Variants in UNCX observed in about 807,000 individuals in gnomAD.
The protein encoded by UNCX is UNC homeobox.
A neutral mutation model predicts 14.8 loss-of-function variants in UNCX; 4 were observed. The observed-to-expected ratio is 0.27, with a 90% CI of 0.13 to 0.62. The LOEUF (loss-of-function observed/expected upper bound fraction) is 0.62. UNCX is among the 20% of genes least tolerant of loss of function. UNCX has a pLI of 0.86. For synonymous variants in UNCX, 459 were observed against 395.8 expected (o/e 1.16, Z -1.90); for missense variants, 749 against 786.8 (o/e 0.95, Z 0.58).
intron 2 of UNCX, among the ~76,000 whole-genome samples, chr7:1,235,323 C>T (rs2128272646): frequency 6.6e-6 from 1 of 152,372 alleles, no homozygotes; most frequent in Non-Finnish European, 1.5e-5. Context: ...CAAGGGATTC[C>T]GCCCCCACCC....
chr7:1,235,812 C>G lies in UNCX; in HGVS notation c.451-20C>G. The stretch of plus-strand genomic sequence containing the variant: ...CCGCCGCCTGATTGTGGCTTCCTCT[C>G]CCCTATCCGGCTGCTCTAGGTCTGG... On this transcript the variant is annotated intron_variant, in intron 2 of 2. Coordinates refer to ENST00000316333, the MANE Select transcript of UNCX (RefSeq NM_001080461.3). The G allele has an allele frequency of 6.2e-7, 1 of 1,604,968 alleles. No individual in the cohort carries two copies. Among genetic ancestry groups the G allele is most frequent in the Non-Finnish European group, 8.5e-7 (1 of 1,176,304 alleles).
Position 1,236,667 on chromosome 7 carries a change from CG to C in UNCX, c.1290del (p.Gly432AlafsTer110). 9.9e-7 allele frequency: 1 copy of C among 1,013,690 alleles called. No individual in the cohort carries two copies. The highest frequency in any genetic ancestry group is 4.5e-5 in the South Asian group (1 of 22,454). The allele number at this position is 1,013,690 out of a possible 1,614,324, so 62.8% of individuals were successfully genotyped here. A position where few individuals can be genotyped will look rare whatever the true frequency, so the allele number is the denominator to read the frequency against. On this transcript the variant is annotated frameshift_variant, in exon 3 of 3. Coordinates refer to ENST00000316333, the MANE Select transcript of UNCX (RefSeq NM_001080461.3). LOFTEE classifies it low-confidence loss of function (END_TRUNC). The surrounding 1 kb of genome is among the most constrained non-coding windows in gnomAD (Gnocchi z 6.9). Reference sequence around the variant, plus strand: ...GCCCAGGCCAGTTTCGGGGCCTTCTCGGGGCCCGGCGGCGCCCCGGACTCGG... The same window carrying C: ...GCCCAGGCCAGTTTCGGGGCCTTCTCGGGCCCGGCGGCGCCCCGGACTCGG... ...PPAQASFGAF[S>X]GPGGAPDSAF...
Position 1,233,272 on chromosome 7 carries a change from C to A in UNCX, c.255C>A (p.Gly85=). Residue 85 remains glycine, a synonymous_variant, in exon 1 of 3, where the codon GGC becomes GGA. Transcript: ENST00000316333. The surrounding 1 kb of genome is among the most constrained non-coding windows in gnomAD (Gnocchi z 5.3). ...CCGCCTGCGGGGTCGGCGGGGACGG[C>A]CAGCCCTTCAAGCTGTCAGGTAGGC... ...LPAACGVGGD[G]QPFKLSDSGD... 7.5e-7 allele frequency: 1 copy of A among 1,339,986 alleles called. No homozygotes were observed. The highest frequency in any genetic ancestry group is 1.9e-5 in the South Asian group (1 of 51,598). The allele number at this position is 1,339,986 out of a possible 1,614,324, so 83.0% of individuals were successfully genotyped here.
At position 1,232,941 on chromosome 7, in the gene UNCX, CT is replaced by C; in HGVS notation, c.-76del. 1.3e-6 allele frequency: 1 copy of C among 765,146 alleles called. No individual in the cohort carries two copies. Among genetic ancestry groups the C allele is most frequent in the Non-Finnish European group, 1.6e-6 (1 of 632,524 alleles). 47.4% of individuals were successfully genotyped at this position (765,146 alleles called of 1,614,324 possible). A position where few individuals can be genotyped will look rare whatever the true frequency, so the allele number is the denominator to read the frequency against. ...CTGTCTCCGCCGCCGCCGCCCGCGC[CT>C]CCCGCCGCTGGCCCGCCCCGGCCCC... On this transcript the variant is annotated 5_prime_UTR_variant, in exon 1 of 3. Coordinates refer to ENST00000316333, the MANE Select transcript of UNCX (RefSeq NM_001080461.3).
chr7:1,236,184 C>T lies in UNCX; in HGVS notation c.803C>T (p.Ala268Val). The T allele has an allele frequency of 7.8e-7, 1 of 1,276,500 alleles. No homozygotes were observed. Among genetic ancestry groups the T allele is most frequent in the Non-Finnish European group, 1.0e-6 (1 of 999,774 alleles). The allele number at this position is 1,276,500 out of a possible 1,614,324, so 79.1% of individuals were successfully genotyped here. Residue 268 changes from alanine (A) to valine (V), a missense_variant, in exon 3 of 3, where the codon GCG becomes GTG. By Grantham distance (64) the Ala-to-Val change is moderately conservative (BLOSUM62 0). Coordinates refer to ENST00000316333, the MANE Select transcript of UNCX (RefSeq NM_001080461.3). The surrounding 1 kb of genome is among the most constrained non-coding windows in gnomAD (Gnocchi z 6.9). The stretch of plus-strand genomic sequence containing the variant: ...CACGCCTCGGGCGCCGCGGGGACCG[C>T]GCCCGCCCCTCCCGGCGAGCCGCCT... Reference protein sequence around the residue: ...GAHASGAAGTAPAPPGEPPAP... With the variant: ...GAHASGAAGTVPAPPGEPPAP...
chr7:1,237,011 C>G lies in UNCX; in HGVS notation c.*34C>G, dbSNP rs1778761859. On this transcript the variant is annotated 3_prime_UTR_variant, in exon 3 of 3. Transcript: ENST00000316333. This position sits in a 1 kb window ranked among gnomAD's most constrained non-coding sequence, Gnocchi z 5.8. ...CGGCCGGGAGAGGCGCGTAGCCGGC[C>G]CGCGGCCGCTCGCTCAGGCTCCGAC... 2 of 1,156,936 alleles carry G rather than the reference C, an allele frequency of 1.7e-6. No individual in the cohort carries two copies. The highest frequency in any genetic ancestry group is 4.8e-5 in the Admixed American group (1 of 20,948). 71.7% of individuals were successfully genotyped at this position (1,156,936 alleles called of 1,614,324 possible). A position where few individuals can be genotyped will look rare whatever the true frequency, so the allele number is the denominator to read the frequency against.
rs1466441510 is a variant in UNCX at position 1,235,997 on chromosome 7, A to G, written c.616A>G (p.Lys206Glu). Reference sequence around the variant, plus strand: ...GGAGAAGATGGAGAAGAAGAAGCGCAAGCACGAGAAGAAGCTGCTGAAGAG... The same window carrying G: ...GGAGAAGATGGAGAAGAAGAAGCGCGAGCACGAGAAGAAGCTGCTGAAGAG... ...ELEKMEKKKR[K>E]HEKKLLKSQG... is the part of the protein sequence containing the mutation. Residue 206 changes from lysine (K) to glutamate (E), a missense_variant, in exon 3 of 3, where the codon AAG becomes GAG. This residue lies in a region of UNCX where 552 missense variants were observed against 507.2 expected (regional missense o/e 1.09). Coordinates refer to ENST00000316333, the MANE Select transcript of UNCX (RefSeq NM_001080461.3). The G allele has an allele frequency of 6.2e-7, 1 of 1,609,374 alleles. No homozygotes were observed. Among genetic ancestry groups the G allele is most frequent in the South Asian group, 1.1e-5 (1 of 90,606 alleles).
At position 1,236,586 on chromosome 7, in the gene UNCX, T is replaced by C. The variant is rs1455243573; in HGVS notation, c.1205T>C (p.Leu402Pro). 8.3e-7 allele frequency: 1 copy of C among 1,203,106 alleles called. No homozygotes were observed. Among genetic ancestry groups the C allele is most frequent in the Non-Finnish European group, 1.0e-6 (1 of 967,170 alleles). 74.5% of individuals were successfully genotyped at this position (1,203,106 alleles called of 1,614,324 possible). A position where few individuals can be genotyped will look rare whatever the true frequency, so the allele number is the denominator to read the frequency against. ...PQAALKGGAGLEPAPKDAPPA... is the reference protein window; with the variant it reads ...PQAALKGGAGPEPAPKDAPPA... ...GCCGCGCTCAAGGGCGGCGCGGGCC[T>C]GGAGCCGGCGCCCAAGGACGCGCCG... is the stretch of plus-strand genomic sequence containing the variant. Residue 402 changes from leucine (L) to proline (P), a missense_variant, in exon 3 of 3, where the codon CTG (leucine) becomes CCG (proline). Transcript: ENST00000316333. This position sits in a 1 kb window ranked among gnomAD's most constrained non-coding sequence, Gnocchi z 6.9.
At position 1,236,270 on chromosome 7, in the gene UNCX, C is replaced by G. The variant is rs767666971; in HGVS notation, c.889C>G (p.Pro297Ala). 9 of 1,377,808 alleles carry G rather than the reference C, an allele frequency of 6.5e-6. No homozygotes were observed. In the South Asian group the frequency reaches 9.7e-5, roughly 15 times the overall value. 85.3% of individuals were successfully genotyped at this position (1,377,808 alleles called of 1,614,324 possible). Residue 297 changes from proline to alanine, a missense_variant, in exon 3 of 3, where the codon CCG becomes GCG. This residue lies in a region of UNCX where 552 missense variants were observed against 507.2 expected (regional missense o/e 1.09). Transcript: ENST00000316333. This position sits in a 1 kb window ranked among gnomAD's most constrained non-coding sequence, Gnocchi z 6.9. ...CCAAAGAAGCGGCGCCGGCCCACAGCCGCGCCCAGGTCGCCCTGCGGACAA... is the reference window on the plus strand; with the variant it reads ...CCAAAGAAGCGGCGCCGGCCCACAGGCGCGCCCAGGTCGCCCTGCGGACAA... Reference protein sequence around the residue: ...PSQRSGAGPQPRPGRPADKDA... With the variant: ...PSQRSGAGPQARPGRPADKDA...
In UNCX at chr7:1,233,919, C is replaced by T. The variant is rs1181860404; in HGVS notation, c.450+224C>T. On this transcript the variant is annotated intron_variant, in intron 2 of 2. Coordinates refer to ENST00000316333, the MANE Select transcript of UNCX (RefSeq NM_001080461.3). This position sits in a 1 kb window ranked among gnomAD's most constrained non-coding sequence, Gnocchi z 5.3. Reference sequence around the variant, plus strand: ...AAAGCCTGGGCGGCTTGAGAAGGGCCGGCGGCAGCACCCGAGTCACCAGAA... The same window carrying T: ...AAAGCCTGGGCGGCTTGAGAAGGGCTGGCGGCAGCACCCGAGTCACCAGAA... Among the ~76,000 whole-genome samples the T allele has an allele frequency of 6.6e-6, 1 of 152,236 alleles. No individual in the cohort carries two copies. Among genetic ancestry groups the T allele is most frequent in the African/African-American group, 2.4e-5 (1 of 41,454 alleles).
rs972975204 is a variant in UNCX at position 1,237,089 on chromosome 7, C to CT, written c.*116dup. 1 of 895,114 alleles carries CT rather than the reference C, an allele frequency of 1.1e-6. No individual in the cohort carries two copies. Among genetic ancestry groups the CT allele is most frequent in the African/African-American group, 1.8e-5 (1 of 55,458 alleles). The allele number at this position is 895,114 out of a possible 1,614,324, so 55.4% of individuals were successfully genotyped here. A position where few individuals can be genotyped will look rare whatever the true frequency, so the allele number is the denominator to read the frequency against. On this transcript the variant is annotated 3_prime_UTR_variant, in exon 3 of 3. Transcript: ENST00000316333. This position sits in a 1 kb window ranked among gnomAD's most constrained non-coding sequence, Gnocchi z 5.8. ...TAGAAACACTGCTTTCCCTTCTTTT[C>CT]TTTTGTTTTCTTTCTTTTATTATTT... is the stretch of plus-strand genomic sequence containing the variant.
At chr7:1,235,791 C>T (rs1357965192) in intron 2 of UNCX, 41 bp from the exon 3 acceptor site, 1 of 1,571,112 alleles carries the variant, frequency 6.4e-7, no homozygotes, top group Non-Finnish European at 8.7e-7. Flanking sequence ...GCCAGCCCGC[C>T]GCCTGATTGT....
chr7:1,236,409 C>G lies in UNCX; in HGVS notation c.1028C>G (p.Pro343Arg). Reference sequence around the variant, plus strand: ...GAGAGCCTCCTGTCCGACTCGCCGCCGCGCCGGAAAGCCGCTTCCAACGCC... The same window carrying G: ...GAGAGCCTCCTGTCCGACTCGCCGCGGCGCCGGAAAGCCGCTTCCAACGCC... ...SVESLLSDSPPRRKAASNAAA... is the reference protein window; with the variant it reads ...SVESLLSDSPRRRKAASNAAA... Residue 343 changes from proline to arginine, a missense_variant, in exon 3 of 3, where the codon CCG (proline) becomes CGG (arginine). This residue lies in a region of UNCX where 552 missense variants were observed against 507.2 expected (regional missense o/e 1.09). Coordinates refer to ENST00000316333, the MANE Select transcript of UNCX (RefSeq NM_001080461.3). This position sits in a 1 kb window ranked among gnomAD's most constrained non-coding sequence, Gnocchi z 6.9. 1 of 1,370,112 alleles carries G rather than the reference C, an allele frequency of 7.3e-7. No homozygotes were observed. 84.9% of individuals were successfully genotyped at this position (1,370,112 alleles called of 1,614,324 possible). A position where few individuals can be genotyped will look rare whatever the true frequency, so the allele number is the denominator to read the frequency against.
chr7:1,234,896 C>A (rs963207141), intron 2 of UNCX, among the ~76,000 whole-genome samples: 1 of 152,088 alleles, frequency 6.6e-6, no homozygotes, highest in Non-Finnish European at 1.5e-5. Flanking sequence ...TGTGTGGCCG[C>A]GACAAAGAAT....
Position 1,233,476 on chromosome 7 carries a change from T to A in UNCX, c.275-44T>A. 1 of 1,537,410 alleles carries A rather than the reference T, an allele frequency of 6.5e-7. No homozygotes were observed. The highest frequency in any genetic ancestry group is 8.7e-7 in the Non-Finnish European group (1 of 1,148,182). ...GGGAGGGAGGGGTGGGGGTCGGGCCTGGGCCGGTGGCTGAGCCGCGCTGCG... is the reference window on the plus strand; with the variant it reads ...GGGAGGGAGGGGTGGGGGTCGGGCCAGGGCCGGTGGCTGAGCCGCGCTGCG... On this transcript the variant is annotated intron_variant, in intron 1 of 2. Coordinates refer to ENST00000316333, the MANE Select transcript of UNCX (RefSeq NM_001080461.3). This position sits in a 1 kb window ranked among gnomAD's most constrained non-coding sequence, Gnocchi z 5.3.
intron 2 of UNCX, among the ~76,000 whole-genome samples, chr7:1,234,057 G>A (rs1172402552): frequency 2.6e-5 from 4 of 152,088 alleles, no homozygotes; most frequent in Non-Finnish European, 5.9e-5. Flanking sequence ...GCTCCGACCC[G>A]GAGGAGAGAG....
chr7:1,236,837 CCCCCGCCGCCCG>C lies in UNCX; in HGVS notation c.1458_1469del (p.Pro488_Pro491del). On this transcript the variant is annotated inframe_deletion, in exon 3 of 3. Coordinates refer to ENST00000316333, the MANE Select transcript of UNCX (RefSeq NM_001080461.3). The surrounding 1 kb of genome is among the most constrained non-coding windows in gnomAD (Gnocchi z 6.9). ...GGACGCGGGGACCGCCGGCCCCGCG[CCCCCGCCGCCCG>C]CGCCGTCGCCCAGGCCCGGCCCTCG... is the stretch of plus-strand genomic sequence containing the variant. The C allele has an allele frequency of 1.0e-6, 1 of 991,448 alleles. No individual in the cohort carries two copies. Among genetic ancestry groups the C allele is most frequent in the Non-Finnish European group, 1.2e-6 (1 of 835,690 alleles). The allele number at this position is 991,448 out of a possible 1,614,324, so 61.4% of individuals were successfully genotyped here. A position where few individuals can be genotyped will look rare whatever the true frequency, so the allele number is the denominator to read the frequency against.
chr7:1,233,788 C>A lies in UNCX; in HGVS notation c.450+93C>A. ...TTGTTCCAGGTGGCGAGATATCGTC[C>A]CCTTGCCGCGGGCCCGCTTCGCGCT... On this transcript the variant is annotated intron_variant, in intron 2 of 2. Transcript: ENST00000316333. The surrounding 1 kb of genome is among the most constrained non-coding windows in gnomAD (Gnocchi z 5.3). The A allele has an allele frequency of 6.9e-7, 1 of 1,447,528 alleles. No individual in the cohort carries two copies. 89.7% of individuals were successfully genotyped at this position (1,447,528 alleles called of 1,614,324 possible). A position where few individuals can be genotyped will look rare whatever the true frequency, so the allele number is the denominator to read the frequency against.
Position 1,236,085 on chromosome 7 carries a change from G to A in UNCX, c.704G>A (p.Ser235Asn). The A allele has an allele frequency of 6.5e-7, 1 of 1,544,650 alleles. No homozygotes were observed. Among genetic ancestry groups the A allele is most frequent in the Non-Finnish European group, 8.7e-7 (1 of 1,145,552 alleles). Residue 235 changes from serine to asparagine, a missense_variant, in exon 3 of 3, where the codon AGC becomes AAC. This residue lies in a region of UNCX where 552 missense variants were observed against 507.2 expected (regional missense o/e 1.09). Coordinates refer to ENST00000316333, the MANE Select transcript of UNCX (RefSeq NM_001080461.3). The surrounding 1 kb of genome is among the most constrained non-coding windows in gnomAD (Gnocchi z 6.9). ...CTGCACAGCGCGCCCAGCTCCGACA[G>A]CGACAGCGGCGGCGGCGGCCTGTCT... ...LSLHSAPSSDSDSGGGGLSPE... is the reference protein window; with the variant it reads ...LSLHSAPSSDNDSGGGGLSPE...
Sources: gnomAD v4.1 joint callset for allele counts (sites outside exome capture counted in the v4.1 genomes callset) on GRCh38, gnomAD v4.1.1 for gene constraint, gnomAD v4.1.1 regional missense constraint, Gnocchi (gnomAD v3.1) non-coding constraint, MANE v1.5 for transcripts, NCBI Gene and HGNC (gene_info 2026-07-23, HGNC 2026-07-21) for gene names.